Variants in UNC5D observed in about 807,000 individuals in gnomAD.
UNC5D encodes netrin receptor UNC5D.
In UNC5D, 39 loss-of-function variants were observed where a neutral mutation model predicts 105.4. That is an observed-to-expected ratio of 0.37 (90% CI 0.29 to 0.48). The LOEUF (loss-of-function observed/expected upper bound fraction) is 0.48, where lower values mean the gene tolerates loss of function less well. Ranked by LOEUF, UNC5D falls within the 20% of genes least tolerant of loss-of-function variation. UNC5D has a pLI of 0.98. For synonymous variants in UNC5D, 452 were observed against 450.4 expected, an observed-to-expected ratio of 1.00 and a Z score of -0.04; for missense variants, 991 against 1,202.4, an observed-to-expected ratio of 0.82 and a Z score of 2.60.
intron 11 of UNC5D, among the ~76,000 whole-genome samples, chr8:35,735,882 C>G (rs1352094582): frequency 6.6e-6 from 1 of 152,192 alleles, no homozygotes; most frequent in African/African-American, 2.4e-5. Context: ...GAGAGGACCT[C>G]ATCTCCAAAA....
At chr8:35,746,936 C>T (rs1331402412) in intron 11 of UNC5D, among the ~76,000 whole-genome samples, 4 of 152,108 alleles carry the variant, frequency 2.6e-5, no homozygotes, top group Non-Finnish European at 1.5e-5. Flanking sequence ...TTCCCCAAAC[C>T]TTGAGTATGT....
chr8:35,615,373 C>T (rs1563594784), intron 4 of UNC5D, among the ~76,000 whole-genome samples: 1 of 152,106 alleles, frequency 6.6e-6, no homozygotes. Flanking sequence ...ATTATTTCTC[C>T]TTGCTTGGAA....
intron 4 of UNC5D, among the ~76,000 whole-genome samples, chr8:35,654,106 T>C (rs1048810618): frequency 3.3e-5 from 5 of 152,218 alleles, no homozygotes; most frequent in African/African-American, 1.2e-4. Context: ...AAATTTTCCC[T>C]GATATTTTTC....
chr8:35,670,503 A>T (rs1012891817), intron 4 of UNC5D, among the ~76,000 whole-genome samples: 2 of 152,178 alleles, frequency 1.3e-5, no homozygotes, highest in Non-Finnish European at 2.9e-5. Context: ...TGTGGTGCAT[A>T]TATACCATGC....
chr8:35,788,993 T>C (rs1802883796), intron 16 of UNC5D, among the ~76,000 whole-genome samples: 1 of 150,880 alleles, frequency 6.6e-6, no homozygotes. Flanking sequence ...TTTGTGGGTG[T>C]GTATGATCTT....
rs138057183 is a variant in UNC5D, at chr8:35,774,400, G to T, written c.2580G>T (p.Arg860=). 284 of 1,613,976 alleles carry T rather than the reference G, an allele frequency of 1.8e-4. No homozygotes were observed. The highest frequency in any genetic ancestry group is 2.3e-4 in the Non-Finnish European group (268 of 1,180,012). ...AFKIPYSIRQ[R]ICATFDTPNA... is the part of the protein sequence containing the mutation. ...AAATTCCCTACTCCATCAGACAGCG[G>T]ATTTGTGCTACATTTGATACCCCCA... The change falls in exon 16 of 17, where the codon CGG becomes CGT. Residue 860 remains arginine (R), a synonymous_variant. Coordinates refer to ENST00000404895, the MANE Select transcript of UNC5D (RefSeq NM_080872.4).
intron 1 of UNC5D, among the ~76,000 whole-genome samples, chr8:35,298,579 G>A (rs1043916096): frequency 2.4e-5 from 3 of 125,560 alleles, no homozygotes; most frequent in African/African-American, 8.7e-5. Context: ...ATTTTTGATT[G>A]TTGTAGGTTT....
intron 7 of UNC5D, among the ~76,000 whole-genome samples, chr8:35,701,478 T>A (rs1237589398): frequency 6.6e-6 from 1 of 152,112 alleles, no homozygotes; most frequent in Non-Finnish European, 1.5e-5. Context: ...TATGTAGGGA[T>A]GATGTTATAA....
chr8:35,536,777 C>T lies in UNC5D; in HGVS notation c.104-12515C>T, dbSNP rs192835490. Among the ~76,000 whole-genome samples, 67 of 152,274 alleles carry T rather than the reference C, an allele frequency of 4.4e-4. 1 individual carries two copies. Among genetic ancestry groups the T allele is most frequent in the Middle Eastern group, 6.8e-3 (2 of 294 alleles). ...CTTTGGGAGGCTGAGGTGGGCTGAT[C>T]ATGCAGTCAGGAGTTTGAGACCAGC... On this transcript the variant is annotated intron_variant, in intron 1 of 16. Coordinates refer to ENST00000404895, the MANE Select transcript of UNC5D (RefSeq NM_080872.4).
intron 1 of UNC5D, among the ~76,000 whole-genome samples, chr8:35,426,712 C>T (rs1253222636): frequency 6.6e-6 from 1 of 152,102 alleles, no homozygotes; most frequent in Non-Finnish European, 1.5e-5. Context: ...AGTTTTGTTG[C>T]ACCCACATGC....
At chr8:35,566,557 G>A (rs1218352160) in intron 2 of UNC5D, among the ~76,000 whole-genome samples, 1 of 152,206 alleles carries the variant, frequency 6.6e-6, no homozygotes, top group African/African-American at 2.4e-5. Context: ...ATTGTTAAGA[G>A]GCACCTGAGC....
chr8:35,249,559 A>AAATAATAATAATAAT (rs148177480), intron 1 of UNC5D, among the ~76,000 whole-genome samples: 1 of 142,646 alleles, frequency 7.0e-6, no homozygotes, highest in Non-Finnish European at 1.5e-5. Context: ...CTCTGTCTCA[A>AAATAATAATAATAAT]AATAATAATA....
At chr8:35,600,201 A>G (rs1036549252) in intron 4 of UNC5D, among the ~76,000 whole-genome samples, 1 of 152,120 alleles carries the variant, frequency 6.6e-6, no homozygotes, top group Non-Finnish European at 1.5e-5. Flanking sequence ...CTAGTTTATC[A>G]TTGTTGGACA....
At chr8:35,490,929 A>G (rs544047149) in intron 1 of UNC5D, among the ~76,000 whole-genome samples, 1 of 151,132 alleles carries the variant, frequency 6.6e-6, no homozygotes, top group Admixed American at 6.6e-5. Flanking sequence ...TTTCATTTTC[A>G]TCCACTCACC....
At chr8:35,616,838 T>G (rs1397589427) in intron 4 of UNC5D, among the ~76,000 whole-genome samples, 1 of 152,186 alleles carries the variant, frequency 6.6e-6, no homozygotes, top group African/African-American at 2.4e-5. Context: ...AGTCAGTTGG[T>G]AGTAAGCATT....
At chr8:35,731,683 G>A (rs1563715937) in intron 11 of UNC5D, among the ~76,000 whole-genome samples, 1 of 152,168 alleles carries the variant, frequency 6.6e-6, no homozygotes. Flanking sequence ...CATAAACGCT[G>A]ACTGTCTCAG....
chr8:35,442,134 C>T (rs1323836737), intron 1 of UNC5D, among the ~76,000 whole-genome samples: 2 of 151,680 alleles, frequency 1.3e-5, no homozygotes, highest in African/African-American at 2.4e-5. Context: ...TTTGGCTATT[C>T]AAGGTTATTA....
intron 11 of UNC5D, among the ~76,000 whole-genome samples, chr8:35,734,189 T>G (rs960088665): frequency 6.6e-6 from 1 of 152,028 alleles, no homozygotes; most frequent in Admixed American, 6.6e-5. Flanking sequence ...AAATTGGAGC[T>G]GTCAGAATTA....
chr8:35,767,104 T>C, intron 15 of UNC5D, 38 bp downstream of exon 15: 1 of 1,568,418 alleles, frequency 6.4e-7, no homozygotes. Flanking sequence ...ACCCCCTTTC[T>C]GAAGGACGAT....
Sources: gnomAD v4.1 joint callset for allele counts (sites outside exome capture counted in the v4.1 genomes callset) on GRCh38, gnomAD v4.1.1 for gene constraint, MANE v1.5 for transcripts, NCBI Gene and HGNC (gene_info 2026-07-23, HGNC 2026-07-21) for gene names.